GLG1: variants seen among roughly 807,000 people sequenced by gnomAD.
The protein encoded by GLG1 is golgi glycoprotein 1.
GLG1 carries 38 observed loss-of-function variants against 160.5 expected under a neutral mutation model. The ratio of observed to expected loss-of-function variants is 0.24; its 90% CI spans 0.18 to 0.31. The LOEUF is 0.31. GLG1 is among the 10% of genes least tolerant of loss of function. The pLI, the probability that GLG1 is intolerant of heterozygous loss-of-function variation, is 1.00. For synonymous variants in GLG1, 644 were observed against 543.4 expected (o/e 1.19, Z -2.57); for missense variants, 1,373 against 1,505.2 (o/e 0.91, Z 1.45).
chr16:74,462,612 A>T lies in GLG1; in HGVS notation c.2810T>A (p.Met937Lys). 6.2e-7 allele frequency: 1 copy of T among 1,614,070 alleles called. No individual in the cohort carries two copies. The highest frequency in any genetic ancestry group is 8.5e-7 in the Non-Finnish European group (1 of 1,179,888). ...TQNTDYRLNP[M>K]LRKACKADIP... ...GTCAGCTTTACAGGCTTTTCTTAACATGGGGTTTAAGCGGTAATCTAGAGT... is the reference window on the plus strand; with the variant it reads ...GTCAGCTTTACAGGCTTTTCTTAACTTGGGGTTTAAGCGGTAATCTAGAGT... Residue 937 changes from methionine to lysine, a missense_variant, in exon 21 of 26, where the codon ATG becomes AAG. Met to Lys is a moderately conservative substitution (Grantham distance 95, BLOSUM62 -1). Around this residue, in one of 4 missense-constraint regions of GLG1, gnomAD observed 491 missense variants for 632.1 expected, o/e 0.78. Coordinates refer to ENST00000422840, the MANE Select transcript of GLG1 (RefSeq NM_001145667.2).
At chr16:74,582,268 G>A (rs1434398094) in intron 1 of GLG1, among the ~76,000 whole-genome samples, 1 of 152,200 alleles carries the variant, frequency 6.6e-6, no homozygotes, top group African/African-American at 2.4e-5. Flanking sequence ...CCAGGTTCAA[G>A]TGATTCTCCT....
intron 1 of GLG1, among the ~76,000 whole-genome samples, chr16:74,590,947 TA>T (rs369425701): frequency 0.011 from 1,618 of 145,152 alleles, 9 homozygotes; most frequent in Non-Finnish European, 0.016. Flanking sequence ...CCTTTCTTGT[TA>T]AAAAAAAAAA....
intron 22 of GLG1, 53 bp from the exon 23 acceptor site, chr16:74,459,842 T>C (rs915654830): frequency 7.0e-6 from 6 of 861,912 alleles, no homozygotes; most frequent in Non-Finnish European, 1.1e-5. Context: ...AGAAATGAAC[T>C]GACAGTTTCT....
chr16:74,537,097 C>G (rs967935504), intron 1 of GLG1, among the ~76,000 whole-genome samples: 2 of 151,976 alleles, frequency 1.3e-5, no homozygotes, highest in African/African-American at 4.8e-5. Context: ...AATTTAATGA[C>G]CAAATATGAG....
In GLG1 at chr16:74,508,891, T is replaced by C; in HGVS notation, c.506A>G (p.Asp169Gly). 1 of 1,528,946 alleles carries C rather than the reference T, an allele frequency of 6.5e-7. No homozygotes were observed. The highest frequency in any genetic ancestry group is 9.1e-7 in the Non-Finnish European group (1 of 1,104,198). The allele number at this position is 1,528,946 out of a possible 1,614,324, so 94.7% of individuals were successfully genotyped here. Residue 169 changes from aspartate (D) to glycine (G), a missense_variant, in exon 3 of 26, where the codon GAT becomes GGT. Coordinates refer to ENST00000422840, the MANE Select transcript of GLG1 (RefSeq NM_001145667.2). ...TCTGGCCACAGATTCAAATTTGGGA[T>C]CTGTAGTTAGGTTCAGCTTATAATT... is the stretch of plus-strand genomic sequence containing the variant. ...LWNYKLNLTT[D>G]PKFESVAREV... is the part of the protein sequence containing the mutation.
rs2014627903 is a variant in GLG1 at position 74,458,012 on chromosome 16, T to C, written c.3145-18A>G. On this transcript the variant is annotated intron_variant, in intron 23 of 25. Coordinates refer to ENST00000422840, the MANE Select transcript of GLG1 (RefSeq NM_001145667.2). ...AGCACTTCCTGGAAAGGGAGGGTCA[T>C]TGCAGACAGAGCTTTTGAAGGGGAA... 4.3e-6 allele frequency: 7 copies of C among 1,612,870 alleles called. No homozygotes were observed. The highest frequency in any genetic ancestry group is 5.1e-6 in the Non-Finnish European group (6 of 1,178,918).
chr16:74,516,755 C>T (rs1259815236), intron 2 of GLG1, among the ~76,000 whole-genome samples: 3 of 151,986 alleles, frequency 2.0e-5, no homozygotes, highest in Non-Finnish European at 4.4e-5. Context: ...CAAAATAAAC[C>T]AATGAATCCA....
chr16:74,460,170 T>C (rs2014731725), intron 22 of GLG1, among the ~76,000 whole-genome samples: 1 of 152,158 alleles, frequency 6.6e-6, no homozygotes, highest in Non-Finnish European at 1.5e-5. Flanking sequence ...TACAGGTATG[T>C]ACCACCATGC....
intron 9 of GLG1, 35 bp from the exon 10 acceptor site, chr16:74,483,159 G>A (rs1470528076): frequency 8.2e-7 from 1 of 1,214,722 alleles, no homozygotes. Context: ...TAACAAGAGA[G>A]AAGTGTTCAG....
At chr16:74,604,646 A>T (rs1446610642) in intron 1 of GLG1, among the ~76,000 whole-genome samples, 1 of 152,232 alleles carries the variant, frequency 6.6e-6, no homozygotes, top group Non-Finnish European at 1.5e-5. Context: ...TGTTTCTTCA[A>T]ATGTGCCTAA....
chr16:74,549,527 C>T (rs1253589459), intron 1 of GLG1, among the ~76,000 whole-genome samples: 1 of 152,180 alleles, frequency 6.6e-6, no homozygotes, highest in Admixed American at 6.5e-5. Context: ...ACCTCGTGAT[C>T]CGCCCGCCTC....
intron 16 of GLG1, 141 bp downstream of exon 16, chr16:74,469,844 C>T (rs570047169): frequency 1.4e-5 from 9 of 655,434 alleles, no homozygotes; most frequent in African/African-American, 3.6e-5. Context: ...GTGTTTGCCA[C>T]GCTAATCAAA....
chr16:74,472,114 C>T (rs571238905), intron 14 of GLG1, among the ~76,000 whole-genome samples: 48 of 152,196 alleles, frequency 3.2e-4, no homozygotes, highest in African/African-American at 1.1e-3. Flanking sequence ...CCATGTTGCC[C>T]AGGCTGGTCT....
intron 3 of GLG1, among the ~76,000 whole-genome samples, chr16:74,505,247 T>G (rs1321933345): frequency 6.6e-6 from 1 of 152,160 alleles, no homozygotes; most frequent in Non-Finnish European, 1.5e-5. Flanking sequence ...CAGTATCAAA[T>G]CCAGACCACG....
At chr16:74,557,798 C>G (rs1395964307) in intron 1 of GLG1, among the ~76,000 whole-genome samples, 3 of 150,914 alleles carry the variant, frequency 2.0e-5, no homozygotes, top group Non-Finnish European at 4.4e-5. Flanking sequence ...GCTTTCTAGG[C>G]TGGTCTTCAA....
rs529795563 is a variant in GLG1 at position 74,452,233 on chromosome 16, C to G, written c.*934G>C. The G allele has an allele frequency of 1.3e-6, 2 of 1,538,062 alleles. No homozygotes were observed. Among genetic ancestry groups the G allele is most frequent in the East Asian group, 2.4e-5 (1 of 41,520 alleles). ...GACCCCTCCCGCCACAGTCCTGCCT[C>G]CTGATGAAGCGCAGAGCTTCCAGAG... On this transcript the variant is annotated 3_prime_UTR_variant, in exon 26 of 26. Coordinates refer to ENST00000422840, the MANE Select transcript of GLG1 (RefSeq NM_001145667.2).
intron 1 of GLG1, among the ~76,000 whole-genome samples, chr16:74,578,100 T>C (rs2143809737): frequency 6.6e-6 from 1 of 152,308 alleles, no homozygotes; most frequent in Admixed American, 6.5e-5. Context: ...ATTTTGGTTG[T>C]CTGAGGTATT....
intron 4 of GLG1, among the ~76,000 whole-genome samples, chr16:74,502,626 C>T (rs755512546): frequency 1.3e-5 from 2 of 151,636 alleles, no homozygotes; most frequent in African/African-American, 4.8e-5. Context: ...TCACTGCAAG[C>T]TCCACTTCCT....
At chr16:74,570,751 G>A (rs142286235) in intron 1 of GLG1, among the ~76,000 whole-genome samples, 100 of 152,190 alleles carry the variant, frequency 6.6e-4, no homozygotes, top group African/African-American at 2.4e-3. Flanking sequence ...AGCCAGGTGT[G>A]GTGGCACACG....
Sources: allele counts gnomAD v4.1 joint callset (sites outside exome capture counted in the v4.1 genomes callset), GRCh38; gene constraint gnomAD v4.1.1; regional missense constraint gnomAD v4.1.1; transcripts MANE v1.5; gene names NCBI Gene and HGNC (gene_info 2026-07-23, HGNC 2026-07-21).